C4orf50: variants seen among roughly 807,000 people sequenced by gnomAD.
C4orf50 encodes the protein chromosome 4 open reading frame 50.
A neutral mutation model predicts 77.2 loss-of-function variants in C4orf50; 80 were observed. The observed-to-expected ratio is 1.04, with a 90% CI of 0.87 to 1.25. C4orf50 has a LOEUF of 1.25. C4orf50 is among the 50% of genes most tolerant of loss of function. The pLI, the probability that C4orf50 is intolerant of heterozygous loss-of-function variation, is 0.00. For synonymous variants in C4orf50, 532 were observed against 465.3 expected (o/e 1.14, Z -1.84); for missense variants, 1,257 against 1,152.9 (o/e 1.09, Z -1.31).
chr4:5,985,133 C>T (rs1560582532), intron 28 of C4orf50, among the ~76,000 whole-genome samples: 1 of 151,564 alleles, frequency 6.6e-6, no homozygotes, highest in Non-Finnish European at 1.5e-5. Context: ...ATTCAGAATC[C>T]AATGGGAAGA....
At chr4:5,931,511 C>T (rs556002856) in intron 7 of C4orf50, among the ~76,000 whole-genome samples, 10 of 152,272 alleles carry the variant, frequency 6.6e-5, no homozygotes, top group Admixed American at 6.5e-4. Flanking sequence ...GCAATTTTCC[C>T]CAAGGTCATG....
chr4:5,990,146 C>A, exon 28 of C4orf50: 1 of 1,262,694 alleles, frequency 7.9e-7, no homozygotes, highest in Non-Finnish European at 9.9e-7. Flanking sequence ...TCCTTTGATA[C>A]TGAGGCCTCC....
At chr4:5,914,501 G>A (rs529585249) in intron 7 of C4orf50, among the ~76,000 whole-genome samples, 2 of 152,234 alleles carry the variant, frequency 1.3e-5, no homozygotes, top group South Asian at 4.2e-4. Flanking sequence ...ACCGCGCCTG[G>A]CCTTTTATGG....
intron 7 of C4orf50, among the ~76,000 whole-genome samples, chr4:5,925,051 C>T (rs9291104): frequency 0.79 from 120,125 of 151,142 alleles, 47,807 homozygotes; most frequent in East Asian, 0.84. Flanking sequence ...GGTGGCCATG[C>T]ACCAGGTAGG....
chr4:5,899,075 T>G (rs919739404), intron 7 of C4orf50: 3 of 152,188 alleles, frequency 2.0e-5, no homozygotes, highest in African/African-American at 7.2e-5. Context: ...ACGTACAAAT[T>G]ATCTGTTTTT....
chr4:5,956,657 G>C (rs1486737311), downstream of C4orf50: 1 of 152,276 alleles, frequency 6.6e-6, no homozygotes, highest in African/African-American at 2.4e-5. Context: ...TTGCCTAAAC[G>C]CCGAGGTGGG....
intron 29 of C4orf50, among the ~76,000 whole-genome samples, chr4:5,976,295 CAAAAA>C (rs1021221753): frequency 6.9e-6 from 1 of 144,740 alleles, no homozygotes; most frequent in African/African-American, 2.5e-5. Flanking sequence ...AAAAAAAATA[CAAAAA>C]AAAAAATTAG....
At chr4:5,929,183 C>T (rs991016176) in intron 7 of C4orf50, among the ~76,000 whole-genome samples, 8 of 152,142 alleles carry the variant, frequency 5.3e-5, no homozygotes, top group East Asian at 3.8e-4. Flanking sequence ...AATCATAGCA[C>T]GATAAATCCC....
chr4:6,005,113 G>A (rs1722196357), intron 25 of C4orf50, among the ~76,000 whole-genome samples: 1 of 152,098 alleles, frequency 6.6e-6, no homozygotes. Context: ...ATCTCCACTT[G>A]CATTCCTGCC....
chr4:5,980,548 T>C (rs974316325), intron 28 of C4orf50, among the ~76,000 whole-genome samples: 4 of 152,070 alleles, frequency 2.6e-5, no homozygotes, highest in Non-Finnish European at 4.4e-5. Context: ...TTATTATCCA[T>C]AGATTTTCTG....
At chr4:5,967,613 A>T in intron 31 of C4orf50, 151 bp from the exon 10 acceptor site, 2 of 660,478 alleles carry the variant, frequency 3.0e-6, no homozygotes, top group Non-Finnish European at 5.6e-6. Context: ...GTGCATGAAG[A>T]CCTCCCTCCT....
intron 7 of C4orf50, among the ~76,000 whole-genome samples, chr4:5,949,155 C>T (rs558623200): frequency 6.6e-6 from 1 of 152,138 alleles, no homozygotes; most frequent in East Asian, 1.9e-4. Flanking sequence ...AGCAGGGACA[C>T]AGCAGCAAGA....
chr4:5,986,812 C>T (rs1720890446), intron 28 of C4orf50, among the ~76,000 whole-genome samples: 1 of 152,074 alleles, frequency 6.6e-6, no homozygotes, highest in South Asian at 2.1e-4. Context: ...GCTGGGATTA[C>T]AGGCATGAGC....
chr4:6,012,451 G>A (rs1475682792), intron 23 of C4orf50, among the ~76,000 whole-genome samples: 2 of 152,178 alleles, frequency 1.3e-5, no homozygotes, highest in Non-Finnish European at 1.5e-5. Context: ...AGCATTGTCA[G>A]CCTCTGCTCT....
exon 8 of C4orf50, chr4:5,897,729 G>A (rs1310953911): frequency 2.6e-5 from 4 of 152,172 alleles, no homozygotes; most frequent in African/African-American, 4.8e-5. Flanking sequence ...CAAATGGAGC[G>A]ATCATTACAA....
chr4:6,009,871 C>T lies in C4orf50; in HGVS notation c.427-1339G>A, dbSNP rs1018242521. 1.3e-5 allele frequency among the ~76,000 whole-genome samples: 2 copies of T among 152,178 alleles called. No individual in the cohort carries two copies. The highest frequency in any genetic ancestry group is 2.9e-5 in the Non-Finnish European group (2 of 68,036). On this transcript the variant is annotated intron_variant, in intron 24 of 33. Transcript: ENST00000531445. This position sits in a 1 kb window ranked among gnomAD's most constrained non-coding sequence, Gnocchi z 5.6. ...GAGAGACCCTAAGCAATTTCCCTAT[C>T]ACTTTGAACATCTGCCGCCTGTCTG...
At chr4:5,983,278 A>G (rs1338725130) in intron 28 of C4orf50, among the ~76,000 whole-genome samples, 12 of 152,194 alleles carry the variant, frequency 7.9e-5, no homozygotes, top group African/African-American at 2.4e-4. Context: ...GCTTCCTACC[A>G]CATCTAGAAA....
rs1241179411 is a variant in C4orf50, at chr4:5,960,907, G to C, written c.4276-1281C>G. Among the ~76,000 whole-genome samples the C allele has an allele frequency of 2.6e-5, 4 of 152,232 alleles. No homozygotes were observed. The East Asian group carries it at 7.7e-4, about 29-fold the overall frequency. On this transcript the variant is annotated intron_variant, in intron 33 of 33. Coordinates refer to ENST00000531445, the Ensembl canonical transcript of C4orf50. ...TCATGCCTGTAATCCCAGCACTTTG[G>C]GAGGCTGAGGTGGGTGGCTCACCTG...
In C4orf50 at chr4:6,008,887, A is replaced by G. The variant is rs994596762; in HGVS notation, c.427-355T>C. The stretch of plus-strand genomic sequence containing the variant: ...ACTGAATACGTCCGCACCTGAGTGC[A>G]CACAGCTGCTCCAGAGCCTCCCAGG... On this transcript the variant is annotated intron_variant, in intron 24 of 33. Coordinates refer to ENST00000531445, the Ensembl canonical transcript of C4orf50. The surrounding 1 kb of genome is among the most constrained non-coding windows in gnomAD (Gnocchi z 6.0). 2.0e-5 allele frequency among the ~76,000 whole-genome samples: 3 copies of G among 152,170 alleles called. No homozygotes were observed. Among genetic ancestry groups the G allele is most frequent in the Admixed American group, 2.0e-4 (3 of 15,282 alleles).
Sources: gnomAD v4.1 joint callset for allele counts (sites outside exome capture counted in the v4.1 genomes callset) on GRCh38, gnomAD v4.1.1 for gene constraint, Gnocchi (gnomAD v3.1) non-coding constraint, MANE v1.5 for transcripts, NCBI Gene and HGNC (gene_info 2026-07-23, HGNC 2026-07-21) for gene names.